Variants in MAML3 observed in about 807,000 individuals in gnomAD.
MAML3 encodes the protein mastermind like transcriptional coactivator 3, also known as mastermind-like protein 3.
MAML3 carries 27 observed loss-of-function variants against 101.9 expected under a neutral mutation model. That is an observed-to-expected ratio of 0.27 (90% confidence interval 0.20 to 0.37). The LOEUF is 0.37. Among genes scored for constraint, MAML3 ranks in the 10% least tolerant of loss-of-function variants. MAML3 has a pLI of 1.00. For synonymous variants in MAML3, 501 were observed against 555.9 expected (o/e 0.90, Z 1.39); for missense variants, 1,316 against 1,444.9 (o/e 0.91, Z 1.45).
At chr4:139,763,037 C>G (rs557708402) in intron 2 of MAML3, among the ~76,000 whole-genome samples, 1 of 152,130 alleles carries the variant, frequency 6.6e-6, no homozygotes, top group African/African-American at 2.4e-5. Flanking sequence ...TAAAGGGAAA[C>G]TGACCAGTGG....
At chr4:139,797,875 A>G (rs1362676521) in intron 2 of MAML3, among the ~76,000 whole-genome samples, 1 of 152,140 alleles carries the variant, frequency 6.6e-6, no homozygotes, top group Non-Finnish European at 1.5e-5. Flanking sequence ...AATTCTGATA[A>G]CAGTGATAAT....
intron 1 of MAML3, among the ~76,000 whole-genome samples, chr4:139,986,252 G>GTCC (rs147178841): frequency 0.021 from 3,160 of 152,146 alleles, 107 homozygotes; most frequent in African/African-American, 0.072. Flanking sequence ...TCTTTCAGCT[G>GTCC]TCCTCCTCCT....
chr4:140,002,726 T>G (rs777778983), intron 1 of MAML3, among the ~76,000 whole-genome samples: 2 of 152,060 alleles, frequency 1.3e-5, no homozygotes, highest in Non-Finnish European at 2.9e-5. Flanking sequence ...GTCACAATAT[T>G]CTCACACCAC....
intron 1 of MAML3, among the ~76,000 whole-genome samples, chr4:140,004,374 G>A (rs1357364189): frequency 6.7e-6 from 1 of 150,034 alleles, no homozygotes; most frequent in Non-Finnish European, 1.5e-5. Context: ...CTTCAAGAAC[G>A]TAATTCCCAG....
At chr4:140,145,898 A>T (rs1560907874) in intron 1 of MAML3, among the ~76,000 whole-genome samples, 17 of 12,552 alleles carry the variant, frequency 1.4e-3, no homozygotes, top group South Asian at 2.0e-3. Flanking sequence ...TTTGAGAAGG[A>T]TTTTTACTCT....
intron 2 of MAML3, among the ~76,000 whole-genome samples, chr4:139,822,739 G>A (rs570773183): frequency 5.9e-5 from 9 of 152,306 alleles, no homozygotes; most frequent in South Asian, 2.1e-4. Flanking sequence ...TCCACATCTC[G>A]AACCCTAATC....
chr4:139,920,185 C>CT (rs1164349998), intron 1 of MAML3, among the ~76,000 whole-genome samples: 1 of 152,140 alleles, frequency 6.6e-6, no homozygotes, highest in Non-Finnish European at 1.5e-5. Flanking sequence ...ATGACATTCA[C>CT]TTTTTTTGCC....
chr4:139,957,908 C>T (rs1442963306), intron 1 of MAML3, among the ~76,000 whole-genome samples: 1 of 152,150 alleles, frequency 6.6e-6, no homozygotes, highest in African/African-American at 2.4e-5. Flanking sequence ...TTAACATATC[C>T]GTGACTGACA....
rs1047136605 is a variant in MAML3, at chr4:139,735,800, C to T, written c.2080-5133G>A. 4.6e-5 allele frequency among the ~76,000 whole-genome samples: 7 copies of T among 152,272 alleles called. No homozygotes were observed. The highest frequency in any genetic ancestry group is 4.6e-4 in the Admixed American group (7 of 15,304). On this transcript the variant is annotated intron_variant, in intron 2 of 4. Transcript: ENST00000509479. This position sits in a 1 kb window ranked among gnomAD's most constrained non-coding sequence, Gnocchi z 5.8. The stretch of plus-strand genomic sequence containing the variant: ...CCCCGGCAGGACCTAGACTGCCTCT[C>T]GGCGCAGGCGGCCCTAACAAAGAAG...
intron 2 of MAML3, among the ~76,000 whole-genome samples, chr4:139,822,969 T>C (rs1560804826): frequency 6.6e-6 from 1 of 152,208 alleles, no homozygotes; most frequent in Non-Finnish European, 1.5e-5. Context: ...ATCTTGATCC[T>C]TCCTATTCAG....
chr4:139,790,231 A>AT (rs1434065013), intron 2 of MAML3, among the ~76,000 whole-genome samples: 125 of 144,052 alleles, frequency 8.7e-4, no homozygotes, highest in African/African-American at 3.1e-3. Flanking sequence ...ATATATATAT[A>AT]TATATATATA....
At chr4:139,992,131 T>C (rs765936979) in intron 1 of MAML3, among the ~76,000 whole-genome samples, 44 of 152,342 alleles carry the variant, frequency 2.9e-4, no homozygotes, top group South Asian at 1.2e-3. Context: ...ATCTGGATTC[T>C]TTTAACTAGC....
chr4:140,145,134 G>A (rs1053752938), intron 1 of MAML3, among the ~76,000 whole-genome samples: 5 of 152,160 alleles, frequency 3.3e-5, no homozygotes, highest in East Asian at 1.9e-4. Flanking sequence ...CTGTCCAGAC[G>A]TGCTCGGGAG....
chr4:140,071,885 T>C (rs573650423), intron 1 of MAML3, among the ~76,000 whole-genome samples: 93 of 152,200 alleles, frequency 6.1e-4, no homozygotes, highest in African/African-American at 2.2e-3. Context: ...AGAAAGTCCC[T>C]TGGGCAGGCT....
intron 1 of MAML3, among the ~76,000 whole-genome samples, chr4:139,951,787 C>G (rs1733835731): frequency 6.7e-6 from 1 of 149,970 alleles, no homozygotes; most frequent in Admixed American, 6.6e-5. Flanking sequence ...AAAAAAAGAT[C>G]CCAGAAAATT....
chr4:139,798,380 C>T (rs1322441331), intron 2 of MAML3, among the ~76,000 whole-genome samples: 1 of 152,162 alleles, frequency 6.6e-6, no homozygotes, highest in Non-Finnish European at 1.5e-5. Context: ...TCTCAAAATG[C>T]CTTTCATCTC....
At chr4:139,759,638 C>T (rs193168864) in intron 2 of MAML3, among the ~76,000 whole-genome samples, 15 of 152,190 alleles carry the variant, frequency 9.9e-5, no homozygotes, top group African/African-American at 3.6e-4. Context: ...TGTTAGACAG[C>T]CTTGTTTTGT....
chr4:139,941,421 C>G (rs886418190), intron 1 of MAML3, among the ~76,000 whole-genome samples: 3 of 152,138 alleles, frequency 2.0e-5, no homozygotes, highest in African/African-American at 7.2e-5. Context: ...AGTTACATAG[C>G]TTTCAAGAGT....
At chr4:139,729,446 C>T (rs1424603271) in intron 3 of MAML3, among the ~76,000 whole-genome samples, 2 of 152,062 alleles carry the variant, frequency 1.3e-5, no homozygotes, top group African/African-American at 4.8e-5. Context: ...ATAGTGCGAC[C>T]CCGTCTCTAT....
Sources: allele counts gnomAD v4.1 joint callset (sites outside exome capture counted in the v4.1 genomes callset), GRCh38; gene constraint gnomAD v4.1.1; non-coding constraint Gnocchi (gnomAD v3.1); transcripts MANE v1.5; gene names NCBI Gene and HGNC (gene_info 2026-07-23, HGNC 2026-07-21).